Variants in QKI observed in about 807,000 individuals in gnomAD.
The protein encoded by QKI is KH domain-containing RNA-binding protein QKI.
QKI carries 10 observed loss-of-function variants against 39.0 expected under a neutral mutation model. That is an observed-to-expected ratio of 0.26 (90% CI 0.16 to 0.43). The LOEUF is 0.43. QKI is among the 20% of genes least tolerant of loss of function. The pLI is 1.00. For missense variants in QKI, 218 were observed against 428.0 expected (o/e 0.51, Z 4.33); for synonymous variants, 204 against 155.4 (o/e 1.31, Z -2.33).
At position 163,465,565 on chromosome 6, in the gene QKI, G is replaced by A. The variant is rs559703339; in HGVS notation, c.285+10144G>A. 4.0e-5 allele frequency among the ~76,000 whole-genome samples: 6 copies of A among 150,928 alleles called. No homozygotes were observed. In the South Asian group the frequency reaches 1.3e-3, roughly 32 times the overall value. On this transcript the variant is annotated intron_variant, in intron 2 of 7. Coordinates refer to ENST00000361752, the MANE Select transcript of QKI (RefSeq NM_006775.3). The stretch of plus-strand genomic sequence containing the variant: ...AATCACTTGAGCCCAAGAGGTGGAG[G>A]TCGCAGTGAGCTGAGATTGCACCAT...
chr6:163,537,497 A>T (rs1781273838), intron 4 of QKI, among the ~76,000 whole-genome samples: 1 of 152,216 alleles, frequency 6.6e-6, no homozygotes, highest in Non-Finnish European at 1.5e-5. Flanking sequence ...TTTCAAAGGC[A>T]GATATTTTAT....
rs1295175080 is a variant in QKI, at chr6:163,574,563, T to G, written c.*3853T>G. On this transcript the variant is annotated 3_prime_UTR_variant, in exon 8 of 8. Coordinates refer to ENST00000361752, the MANE Select transcript of QKI (RefSeq NM_006775.3). ...AGACTAAAACATTAAACAAGAAGTT[T>G]AAGGGGGAATAACATTGGGATTTGA... 6.6e-6 allele frequency: 1 copy of G among 152,178 alleles called. No individual in the cohort carries two copies. Among genetic ancestry groups the G allele is most frequent in the Non-Finnish European group, 1.5e-5 (1 of 68,034 alleles). 9.4% of individuals were successfully genotyped at this position (152,178 alleles called of 1,614,324 possible).
At chr6:163,431,758 T>C (rs1055239490) in intron 1 of QKI, among the ~76,000 whole-genome samples, 1 of 147,012 alleles carries the variant, frequency 6.8e-6, no homozygotes, top group Non-Finnish European at 1.5e-5. Context: ...TAAGGGTGGA[T>C]AGTAGAATAG....
intron 1 of QKI, among the ~76,000 whole-genome samples, chr6:163,445,630 T>G (rs1436925920): frequency 5.3e-5 from 8 of 151,664 alleles, no homozygotes; most frequent in Admixed American, 4.6e-4. Context: ...TTTTTTTTTT[T>G]TTTAGTTGGA....
chr6:163,437,319 A>C (rs1167110052), intron 1 of QKI, among the ~76,000 whole-genome samples: 2 of 152,256 alleles, frequency 1.3e-5, no homozygotes, highest in Non-Finnish European at 2.9e-5. Flanking sequence ...TATAGTACTT[A>C]TGTTAAAATT....
At chr6:163,464,079 C>T (rs1398126494) in intron 2 of QKI, among the ~76,000 whole-genome samples, 2 of 152,126 alleles carry the variant, frequency 1.3e-5, no homozygotes, top group East Asian at 3.9e-4. Context: ...GTACTTTGTA[C>T]CCACCTCTTA....
chr6:163,473,821 A>C (rs2128223907), intron 2 of QKI, among the ~76,000 whole-genome samples: 1 of 152,324 alleles, frequency 6.6e-6, no homozygotes, highest in Non-Finnish European at 1.5e-5. Flanking sequence ...AATACATTCC[A>C]ACATGTTTTG....
At chr6:163,456,056 AC>A (rs1209900674) in intron 2 of QKI, among the ~76,000 whole-genome samples, 1 of 151,942 alleles carries the variant, frequency 6.6e-6, no homozygotes, top group Non-Finnish European at 1.5e-5. Flanking sequence ...AGTCACATTG[AC>A]CCTCTTTTGG....
rs781142523 is a variant in QKI, at chr6:163,415,144, C to T, written c.-50C>T. On this transcript the variant is annotated 5_prime_UTR_variant, in exon 1 of 8. Transcript: ENST00000361752. The stretch of plus-strand genomic sequence containing the variant: ...CTCGCCCCCGCCCCTCCCTCCTCTC[C>T]GGCGGCGGCGGCGGCGGCGGCGGGC... 8 of 942,854 alleles carry T rather than the reference C, an allele frequency of 8.5e-6. No individual in the cohort carries two copies. The highest frequency in any genetic ancestry group is 7.7e-5 in the South Asian group (3 of 38,802). The allele number at this position is 942,854 out of a possible 1,614,324, so 58.4% of individuals were successfully genotyped here.
At chr6:163,453,326 C>T (rs1790711984) in intron 1 of QKI, among the ~76,000 whole-genome samples, 1 of 151,898 alleles carries the variant, frequency 6.6e-6, no homozygotes, top group South Asian at 2.1e-4. Flanking sequence ...AGTTTTCTTT[C>T]ATGCTGCTAT....
At chr6:163,441,284 A>AGT (rs371276028) in intron 1 of QKI, among the ~76,000 whole-genome samples, 95 of 152,318 alleles carry the variant, frequency 6.2e-4, no homozygotes, top group Middle Eastern at 3.4e-3. Flanking sequence ...AAAGAGACCA[A>AGT]GCCATTTGCA....
Position 163,478,895 on chromosome 6 carries a change from A to G in QKI, c.401A>G (p.Lys134Arg), listed in dbSNP as rs199514673. 3.7e-6 allele frequency: 6 copies of G among 1,600,972 alleles called. No individual in the cohort carries two copies. The highest frequency in any genetic ancestry group is 5.1e-6 in the Non-Finnish European group (6 of 1,170,290). Reference protein sequence around the residue: ...RGKGSMRDKKKEEQNRGKPNW... With the variant: ...RGKGSMRDKKREEQNRGKPNW... ...AAAGGCTCAATGAGGGATAAAAAAA[A>G]GGTAAGTCCTTGAAAATGGACTAAG... Residue 134 changes from lysine to arginine, a missense_variant and splice_region_variant, in exon 3 of 8, where the codon AAG (lysine) becomes AGG (arginine). Physicochemically the swap from Lys to Arg is conservative, Grantham distance 26. This residue lies in a region of QKI where 61 missense variants were observed against 193.3 expected (regional missense o/e 0.32). Transcript: ENST00000361752.
chr6:163,423,385 G>A (rs1788158502), intron 1 of QKI: 1 of 152,246 alleles, frequency 6.6e-6, no homozygotes, highest in African/African-American at 2.4e-5. Flanking sequence ...AGAGAATTGT[G>A]TTTTAGAGCT....
intron 3 of QKI, among the ~76,000 whole-genome samples, chr6:163,520,844 G>T (rs1018726508): frequency 6.6e-6 from 1 of 152,160 alleles, no homozygotes; most frequent in Admixed American, 6.5e-5. Context: ...AAATTATGAT[G>T]AAGGGTTATG....
At chr6:163,466,758 A>T (rs577060931) in intron 2 of QKI, among the ~76,000 whole-genome samples, 50 of 152,320 alleles carry the variant, frequency 3.3e-4, no homozygotes, top group African/African-American at 1.2e-3. Context: ...ATTCCCTGAA[A>T]CTATAAAACA....
intron 1 of QKI, among the ~76,000 whole-genome samples, chr6:163,451,801 T>C (rs1486269867): frequency 6.6e-6 from 1 of 152,218 alleles, no homozygotes; most frequent in Non-Finnish European, 1.5e-5. Flanking sequence ...ATATTAGTTA[T>C]GAAGCATTCC....
In QKI at chr6:163,438,334, G is replaced by A. The variant is rs147361916; in HGVS notation, c.143-16945G>A. Among the ~76,000 whole-genome samples, 1,104 of 151,864 alleles carry A rather than the reference G, an allele frequency of 7.3e-3. 12 individuals carry two copies. The highest frequency in any genetic ancestry group is 0.026 in the African/African-American group (1,053 of 41,226). On this transcript the variant is annotated intron_variant, in intron 1 of 7. Coordinates refer to ENST00000361752, the MANE Select transcript of QKI (RefSeq NM_006775.3). ...TCATTTATAATGACATTGATGACCA[G>A]TACTATTATTATTTTAAAGAGAAAG... is the stretch of plus-strand genomic sequence containing the variant.
chr6:163,533,646 T>G (rs1243789304), intron 3 of QKI, among the ~76,000 whole-genome samples: 1 of 152,210 alleles, frequency 6.6e-6, no homozygotes, highest in Non-Finnish European at 1.5e-5. Flanking sequence ...AATGTGACCT[T>G]ATGTTGAAAC....
intron 3 of QKI, among the ~76,000 whole-genome samples, chr6:163,515,862 A>G (rs1376165963): frequency 6.6e-6 from 1 of 152,194 alleles, no homozygotes; most frequent in Admixed American, 6.5e-5. Context: ...AGCAATTGAC[A>G]TTTGCTATGT....
Sources: allele counts gnomAD v4.1 joint callset (sites outside exome capture counted in the v4.1 genomes callset), GRCh38; gene constraint gnomAD v4.1.1; regional missense constraint gnomAD v4.1.1; transcripts MANE v1.5; gene names NCBI Gene and HGNC (gene_info 2026-07-23, HGNC 2026-07-21).